COPA: variants seen among roughly 807,000 people sequenced by gnomAD.
COPA encodes the protein coatomer subunit alpha.
A neutral mutation model predicts 158.7 loss-of-function variants in COPA; 10 were observed. That is an observed-to-expected ratio of 0.06 (90% CI 0.04 to 0.11). The LOEUF is 0.11. Among genes scored for constraint, COPA ranks in the 10% least tolerant of loss-of-function variants. The probability of loss-of-function intolerance (pLI) is 1.00; values close to 1 mark genes in which losing one functional copy is unlikely to be tolerated. For missense variants in COPA, 1,065 were observed against 1,536.7 expected (o/e 0.69, Z 5.13); for synonymous variants, 462 against 542.8 (o/e 0.85, Z 2.07).
In COPA at chr1:160,309,313, G is replaced by A. The variant is rs1571161574; in HGVS notation, c.1144-137C>T. The A allele has an allele frequency of 4.5e-6, 3 of 668,346 alleles. No individual in the cohort carries two copies. The East Asian group carries it at 8.2e-5, about 18-fold the overall frequency. The allele number at this position is 668,346 out of a possible 1,614,324, so 41.4% of individuals were successfully genotyped here. On this transcript the variant is annotated intron_variant, in intron 12 of 32. Coordinates refer to ENST00000241704, the MANE Select transcript of COPA (RefSeq NM_004371.4). ...CCATACTTTTCTTACCCTTCACCCAGAGGGCATTTGACTGTTTCTACATCT... is the reference window on the plus strand; with the variant it reads ...CCATACTTTTCTTACCCTTCACCCAAAGGGCATTTGACTGTTTCTACATCT...
rs750501557 is a variant in COPA, at chr1:160,289,057, G to A, written c.*1100C>T. 4.6e-5 allele frequency among the ~76,000 whole-genome samples: 7 copies of A among 151,526 alleles called. No individual in the cohort carries two copies. Among genetic ancestry groups the A allele is most frequent in the Non-Finnish European group, 8.8e-5 (6 of 67,930 alleles). ...GCGATCTCAGCTTACTGCAACCTCCGCCTCCCGGGTTCAAGCAATCCTCTG... is the reference window on the plus strand; with the variant it reads ...GCGATCTCAGCTTACTGCAACCTCCACCTCCCGGGTTCAAGCAATCCTCTG... On this transcript the variant is annotated 3_prime_UTR_variant, in exon 33 of 33. Coordinates refer to ENST00000241704, the MANE Select transcript of COPA (RefSeq NM_004371.4).
chr1:160,291,215 T>G, intron 31 of COPA, 120 bp downstream of exon 31: 1 of 1,124,318 alleles, frequency 8.9e-7, no homozygotes, highest in Non-Finnish European at 1.3e-6. Flanking sequence ...TAGCATTCTG[T>G]TGGCTTTTTG....
chr1:160,324,447 C>T (rs528075810), intron 7 of COPA, among the ~76,000 whole-genome samples: 112 of 144,478 alleles, frequency 7.8e-4, no homozygotes, highest in Non-Finnish European at 5.7e-4. Context: ...AGCACCACCA[C>T]GCCCAGCTAA....
Position 160,311,982 on chromosome 1 carries a change from C to T in COPA, c.962G>A (p.Arg321Gln), listed in dbSNP as rs145706918. Residue 321 changes from arginine (R) to glutamine (Q), a missense_variant, in exon 11 of 33, where the codon CGG (arginine) becomes CAG (glutamine). Arg to Gln is a conservative substitution (Grantham distance 43, BLOSUM62 1). Coordinates refer to ENST00000241704, the MANE Select transcript of COPA (RefSeq NM_004371.4). ...DGGMIVFKLERERPAYAVHGN... is the reference protein window; with the variant it reads ...DGGMIVFKLEQERPAYAVHGN... ...ATGAACAGCATAGGCTGGCCGTTCC[C>T]GTTCCAGCTTAAACACAATCATACC... The T allele has an allele frequency of 1.7e-5, 27 of 1,613,764 alleles. No homozygotes were observed. Among genetic ancestry groups the T allele is most frequent in the East Asian group, 2.2e-5 (1 of 44,888 alleles).
At chr1:160,308,919 G>A (rs1658877559) in intron 13 of COPA, 182 bp downstream of exon 13, 1 of 541,988 alleles carries the variant, frequency 1.8e-6, no homozygotes, top group South Asian at 2.8e-5. Context: ...GTAATAAAAT[G>A]GAGGAGGAAC....
At chr1:160,318,475 AAAAAAAAAAAAAAAAAC>A (rs1322174318) in intron 8 of COPA, among the ~76,000 whole-genome samples, 1,983 of 89,538 alleles carry the variant, frequency 0.022, 68 homozygotes, top group African/African-American at 0.1. Flanking sequence ...TTGTAAAAAA[AAAAAAAAAAAAAAAAAC>A]AAAAAAAAAA....
At position 160,325,782 on chromosome 1, in the gene COPA, G is replaced by C. The variant is rs1659472959; in HGVS notation, c.497-130C>G. ...AATGGAAAAGACTGAAGAAAGAAAA[G>C]AGACTCAAGAATTCCTATTTCTAAA... On this transcript the variant is annotated intron_variant, in intron 6 of 32. Coordinates refer to ENST00000241704, the MANE Select transcript of COPA (RefSeq NM_004371.4). 2 of 687,390 alleles carry C rather than the reference G, an allele frequency of 2.9e-6. 1 individual carries two copies. The highest frequency in any genetic ancestry group is 3.8e-5 in the South Asian group (2 of 52,650). 42.6% of individuals were successfully genotyped at this position (687,390 alleles called of 1,614,324 possible).
rs557674635 is a variant in COPA, at chr1:160,313,850, C to T, written c.842+140G>A. 17 of 718,696 alleles carry T rather than the reference C, an allele frequency of 2.4e-5. No individual in the cohort carries two copies. The Middle Eastern group carries it at 1.1e-3, about 47-fold the overall frequency. 44.5% of individuals were successfully genotyped at this position (718,696 alleles called of 1,614,324 possible). A position where few individuals can be genotyped will look rare whatever the true frequency, so the allele number is the denominator to read the frequency against. ...AAAATTTGTAAATGTTGACTGATCT[C>T]TAGGTCTCTTCAAATTTTCATAATA... is the stretch of plus-strand genomic sequence containing the variant. On this transcript the variant is annotated intron_variant, in intron 9 of 32. Coordinates refer to ENST00000241704, the MANE Select transcript of COPA (RefSeq NM_004371.4).
intron 9 of COPA, 134 bp from the exon 10 acceptor site, chr1:160,313,301 TA>T: frequency 1.4e-6 from 1 of 708,246 alleles, no homozygotes; most frequent in Non-Finnish European, 2.4e-6. Context: ...ATATCCTAAG[TA>T]ACAGTAGTCG....
chr1:160,302,316 T>C (rs1658634759), intron 17 of COPA, among the ~76,000 whole-genome samples: 1 of 152,114 alleles, frequency 6.6e-6, no homozygotes, highest in South Asian at 2.1e-4. Flanking sequence ...ATCAAGTGTC[T>C]AATAAATCTA....
intron 19 of COPA, 55 bp downstream of exon 19, chr1:160,298,790 C>T: frequency 6.2e-7 from 1 of 1,600,118 alleles, no homozygotes; most frequent in South Asian, 1.1e-5. Context: ...CCCAATGGCA[C>T]TCTAACTCTC....
chr1:160,329,147 G>A (rs915189615), intron 6 of COPA, among the ~76,000 whole-genome samples: 2 of 152,164 alleles, frequency 1.3e-5, no homozygotes, highest in Non-Finnish European at 2.9e-5. Flanking sequence ...GAGAAGGAAA[G>A]TATAAAAGTC....
chr1:160,323,505 G>A lies in COPA; in HGVS notation c.632C>T (p.Ala211Val), dbSNP rs141575695. ...AAGGGGCATAGTGGGGTGGAAGGCA[G>A]CCCAGTTTACTCCACGATCGTGACC... ...LEGHDRGVNW[A>V]AFHPTMPLIV... Residue 211 changes from alanine (A) to valine (V), a missense_variant, in exon 8 of 33, where the codon GCT (alanine) becomes GTT (valine). Around this residue, in one of 2 missense-constraint regions of COPA, gnomAD observed 980 missense variants for 1,357.8 expected, o/e 0.72. Coordinates refer to ENST00000241704, the MANE Select transcript of COPA (RefSeq NM_004371.4). 16 of 1,610,470 alleles carry A rather than the reference G, an allele frequency of 9.9e-6. No individual in the cohort carries two copies. Among genetic ancestry groups the A allele is most frequent in the Non-Finnish European group, 1.3e-5 (15 of 1,177,914 alleles).
At chr1:160,325,285 G>A (rs2101862705) in intron 7 of COPA, among the ~76,000 whole-genome samples, 2 of 152,240 alleles carry the variant, frequency 1.3e-5, no homozygotes, top group Non-Finnish European at 2.9e-5. Flanking sequence ...CTCTGCTTTG[G>A]GATGGTGATG....
At chr1:160,299,295 T>G in intron 17 of COPA, 31 bp from the exon 18 acceptor site, 1 of 1,580,592 alleles carries the variant, frequency 6.3e-7, no homozygotes, top group South Asian at 1.1e-5. Context: ...TTTCAGTAAG[T>G]GAGAGGGAAA....
intron 5 of COPA, among the ~76,000 whole-genome samples, 179 bp from the exon 6 acceptor site, chr1:160,332,736 T>G (rs1022714921): frequency 1.3e-5 from 2 of 152,248 alleles, no homozygotes; most frequent in African/African-American, 4.8e-5. Context: ...ATTTTAACAA[T>G]AGTTCTCTTC....
intron 30 of COPA, among the ~76,000 whole-genome samples, 154 bp from the exon 31 acceptor site, chr1:160,291,650 GTGAGA>G (rs1342942999): frequency 6.8e-6 from 1 of 147,320 alleles, no homozygotes; most frequent in African/African-American, 2.7e-5. Flanking sequence ...TGGAGGACTG[GTGAGA>G]TGAGGAAGTA....
chr1:160,295,624 T>C, intron 23 of COPA, 112 bp downstream of exon 23: 2 of 1,093,064 alleles, frequency 1.8e-6, no homozygotes, highest in Non-Finnish European at 2.5e-6. Context: ...AATATTCCAT[T>C]AGGCTCCATG....
At chr1:160,339,714 T>C in intron 3 of COPA, 195 bp downstream of exon 3, 1 of 508,338 alleles carries the variant, frequency 2.0e-6, no homozygotes, top group Admixed American at 3.5e-5. Context: ...TATTTTTGAA[T>C]TCCCTAAAAA....
Sources: gnomAD v4.1 joint callset for allele counts (sites outside exome capture counted in the v4.1 genomes callset) on GRCh38, gnomAD v4.1.1 for gene constraint, gnomAD v4.1.1 regional missense constraint, MANE v1.5 for transcripts, NCBI Gene and HGNC (gene_info 2026-07-23, HGNC 2026-07-21) for gene names.